TMEM150C: variants seen among roughly 807,000 people sequenced by gnomAD.
The protein encoded by TMEM150C is transmembrane protein 150C.
Under a neutral mutation model 29.9 loss-of-function variants are expected in TMEM150C, and 10 were observed. That is an observed-to-expected ratio of 0.33 (90% CI 0.21 to 0.57). TMEM150C has a LOEUF of 0.57. Among genes scored for constraint, TMEM150C ranks in the 20% least tolerant of loss-of-function variants. The probability of loss-of-function intolerance (pLI) is 0.88; values close to 1 mark genes in which losing one functional copy is unlikely to be tolerated. For missense variants in TMEM150C, 251 were observed against 303.6 expected (o/e 0.83, Z 1.29); for synonymous variants, 101 against 112.5 (o/e 0.90, Z 0.64).
intron 1 of TMEM150C, among the ~76,000 whole-genome samples, chr4:82,549,574 T>C (rs1264435972): frequency 6.6e-6 from 1 of 152,242 alleles, no homozygotes; most frequent in Non-Finnish European, 1.5e-5. Context: ...ACTACGGAAC[T>C]GTACACTTAA....
intron 7 of TMEM150C, among the ~76,000 whole-genome samples, chr4:82,486,649 C>G (rs941705938): frequency 2.0e-5 from 3 of 152,030 alleles, no homozygotes; most frequent in African/African-American, 7.3e-5. Flanking sequence ...CTTTGGAATG[C>G]TGAGGTGGGA....
intron 5 of TMEM150C, among the ~76,000 whole-genome samples, chr4:82,501,441 G>A (rs1460895814): frequency 6.6e-6 from 1 of 152,182 alleles, no homozygotes; most frequent in Non-Finnish European, 1.5e-5. Context: ...TCTCCTTAGT[G>A]GTAGTGTAGC....
chr4:82,498,823 A>G (rs1369900532), intron 5 of TMEM150C, among the ~76,000 whole-genome samples: 2 of 152,186 alleles, frequency 1.3e-5, no homozygotes, highest in Non-Finnish European at 2.9e-5. Flanking sequence ...GACATGCAAC[A>G]TCTTCTGGTC....
intron 1 of TMEM150C, among the ~76,000 whole-genome samples, chr4:82,532,970 C>T (rs1036971003): frequency 1.3e-5 from 2 of 152,128 alleles, no homozygotes; most frequent in Non-Finnish European, 2.9e-5. Context: ...CCTCGTGATC[C>T]GCCTGCCTTG....
At chr4:82,511,472 A>ATTTTTTTTTTTTTTTT (rs397935719) in intron 1 of TMEM150C, among the ~76,000 whole-genome samples, 3 of 106,356 alleles carry the variant, frequency 2.8e-5, no homozygotes, top group African/African-American at 3.9e-5. Context: ...TCCCAACACT[A>ATTTTTTTTTTTTTTTT]TTTTTTTTTT....
intron 1 of TMEM150C, among the ~76,000 whole-genome samples, chr4:82,521,961 G>A (rs1308687497): frequency 1.3e-5 from 2 of 152,190 alleles, no homozygotes; most frequent in East Asian, 3.9e-4. Flanking sequence ...ATTTTGGGAG[G>A]TTGAGGTGGG....
At chr4:82,550,440 G>A (rs1379798294) in intron 1 of TMEM150C, among the ~76,000 whole-genome samples, 1 of 152,076 alleles carries the variant, frequency 6.6e-6, no homozygotes, top group Non-Finnish European at 1.5e-5. Context: ...AAAGAGTTTG[G>A]GCAACTGTGG....
In TMEM150C at chr4:82,492,152, A is replaced by C. The variant is rs112965842; in HGVS notation, c.364-1914T>G. Among the ~76,000 whole-genome samples, 986 of 150,548 alleles carry C rather than the reference A, an allele frequency of 6.5e-3. 7 individuals are homozygous for C. The highest frequency in any genetic ancestry group is 0.011 in the Non-Finnish European group (724 of 67,740). ...TTGTTGTTGTTTGTTTGTTTGAGACAGAGTCTCACTCTGTCACCCAGGCTG... is the reference window on the plus strand; with the variant it reads ...TTGTTGTTGTTTGTTTGTTTGAGACCGAGTCTCACTCTGTCACCCAGGCTG... On this transcript the variant is annotated intron_variant, in intron 6 of 7. Coordinates refer to ENST00000449862, the MANE Select transcript of TMEM150C (RefSeq NM_001080506.3).
intron 1 of TMEM150C, among the ~76,000 whole-genome samples, chr4:82,510,994 G>A (rs1449356620): frequency 1.3e-5 from 2 of 152,194 alleles, no homozygotes; most frequent in East Asian, 1.9e-4. Flanking sequence ...CCCCTAAAAT[G>A]TTTGCAGGCT....
At position 82,483,859 on chromosome 4, in the gene TMEM150C, T is replaced by A. The variant is rs2110058433; in HGVS notation, c.*1652A>T. On this transcript the variant is annotated 3_prime_UTR_variant, in exon 8 of 8. Coordinates refer to ENST00000449862, the MANE Select transcript of TMEM150C (RefSeq NM_001080506.3). ...CAGGCTGGAGTGCAATGGCGTGATC[T>A]CGTCTCACCGCAACCTGCCTCCCGG... The A allele has an allele frequency of 6.6e-6, 1 of 151,462 alleles. No homozygotes were observed. Among genetic ancestry groups the A allele is most frequent in the Non-Finnish European group, 1.5e-5 (1 of 67,940 alleles). The allele number at this position is 151,462 out of a possible 1,614,324, so 9.4% of individuals were successfully genotyped here.
chr4:82,539,744 G>A (rs1399381763), intron 1 of TMEM150C, among the ~76,000 whole-genome samples: 1 of 152,134 alleles, frequency 6.6e-6, no homozygotes. Context: ...GAGCCACCGT[G>A]CCTGGCCACA....
chr4:82,502,616 G>T, intron 5 of TMEM150C, 111 bp downstream of exon 5: 1 of 1,061,490 alleles, frequency 9.4e-7, no homozygotes, highest in Non-Finnish European at 1.4e-6. Flanking sequence ...GACATCGTAT[G>T]ATACTAAATG....
chr4:82,535,713 G>A (rs1312090906), intron 1 of TMEM150C, among the ~76,000 whole-genome samples: 6 of 152,214 alleles, frequency 3.9e-5, no homozygotes, highest in Non-Finnish European at 7.3e-5. Flanking sequence ...GCAACTCTTT[G>A]TAGTAGGTTC....
intron 1 of TMEM150C, among the ~76,000 whole-genome samples, chr4:82,561,451 C>T (rs1725922347): frequency 6.6e-6 from 1 of 152,276 alleles, no homozygotes; most frequent in Middle Eastern, 3.4e-3. Flanking sequence ...GGGAGAATGG[C>T]ACAGGGACCG....
At chr4:82,490,687 G>A (rs1262994021) in intron 6 of TMEM150C, 3 of 318,770 alleles carry the variant, frequency 9.4e-6, no homozygotes, top group South Asian at 6.1e-5. Flanking sequence ...GGCTCAAAGC[G>A]ATCCTCCCAC....
intron 1 of TMEM150C, among the ~76,000 whole-genome samples, chr4:82,510,096 G>A (rs930322432): frequency 4.0e-5 from 6 of 151,886 alleles, no homozygotes; most frequent in African/African-American, 1.2e-4. Flanking sequence ...TGGCTAACAC[G>A]GTGAAACCCC....
chr4:82,495,358 T>G (rs1274625229), intron 6 of TMEM150C: 2 of 224,990 alleles, frequency 8.9e-6, no homozygotes, highest in African/African-American at 4.7e-5. Flanking sequence ...GGAGAATTAC[T>G]TGAACCCGGG....
At chr4:82,495,526 T>TTC in intron 6 of TMEM150C, 1 of 358,708 alleles carries the variant, frequency 2.8e-6, no homozygotes, top group Non-Finnish European at 5.5e-6. Context: ...AGGTATAGCC[T>TTC]TCTCTCTTTT....
At position 82,522,947 on chromosome 4, in the gene TMEM150C, GT is replaced by G. The variant is rs906070793; in HGVS notation, c.-10-18281del. ...GAATGATCAGGTATTGAAGGCTGGG[GT>G]TTTTTTGCTAAAACGGGATTTTACA... On this transcript the variant is annotated intron_variant, in intron 1 of 7. Coordinates refer to ENST00000449862, the MANE Select transcript of TMEM150C (RefSeq NM_001080506.3). Among the ~76,000 whole-genome samples the G allele has an allele frequency of 1.9e-4, 29 of 152,226 alleles. 2 individuals carry two copies. The highest frequency in any genetic ancestry group is 1.6e-3 in the Admixed American group (25 of 15,294).
Sources: allele counts gnomAD v4.1 joint callset (sites outside exome capture counted in the v4.1 genomes callset), GRCh38; gene constraint gnomAD v4.1.1; transcripts MANE v1.5; gene names NCBI Gene and HGNC (gene_info 2026-07-23, HGNC 2026-07-21).